Variants in INSL5 observed in about 807,000 individuals in gnomAD.
INSL5 encodes the protein insulin-like peptide INSL5.
INSL5 carries 3 observed loss-of-function variants against 4.3 expected under a neutral mutation model. The ratio of observed to expected loss-of-function variants is 0.70; its 90% confidence interval spans 0.32 to 1.82. The LOEUF is 1.82. Among genes scored for constraint, INSL5 ranks in the 40% most tolerant of loss-of-function variants. The pLI is 0.08. For synonymous variants in INSL5, 68 were observed against 56.6 expected (o/e 1.20, Z -0.90); for missense variants, 168 against 160.9 (o/e 1.04, Z -0.24).
chr1:66,800,308 C>T (rs1572563376), intron 1 of INSL5, among the ~76,000 whole-genome samples: 4 of 151,982 alleles, frequency 2.6e-5, no homozygotes, highest in Non-Finnish European at 5.9e-5. Flanking sequence ...TCCCCAAATC[C>T]TTCAGGGCCT....
chr1:66,799,918 A>C (rs1488709827), intron 1 of INSL5, among the ~76,000 whole-genome samples: 1 of 152,036 alleles, frequency 6.6e-6, no homozygotes. Context: ...ATGTGGTGGC[A>C]CACACCTGTA....
intron 1 of INSL5, among the ~76,000 whole-genome samples, chr1:66,798,699 T>C (rs1645357271): frequency 6.6e-6 from 1 of 152,262 alleles, no homozygotes; most frequent in Non-Finnish European, 1.5e-5. Flanking sequence ...AGTTTTTGCC[T>C]AAGTGTTGTT....
chr1:66,800,116 A>T (rs536233130), intron 1 of INSL5, among the ~76,000 whole-genome samples: 1 of 152,326 alleles, frequency 6.6e-6, no homozygotes, highest in East Asian at 1.9e-4. Flanking sequence ...TTTAATATGG[A>T]ATTAACAGAA....
intron 1 of INSL5, among the ~76,000 whole-genome samples, chr1:66,800,521 T>C (rs1371423071): frequency 1.3e-5 from 2 of 152,170 alleles, no homozygotes; most frequent in Non-Finnish European, 2.9e-5. Flanking sequence ...TTCTTCTTGG[T>C]AAAATGATAA....
At chr1:66,799,433 T>C (rs1251047558) in intron 1 of INSL5, among the ~76,000 whole-genome samples, 21 of 152,106 alleles carry the variant, frequency 1.4e-4, no homozygotes, top group Admixed American at 9.2e-4. Context: ...AGAACGATGG[T>C]TATCAGAGGG....
chr1:66,800,590 CACATGTA>C lies in INSL5; in HGVS notation c.175+450_175+456del, dbSNP rs1339369898. Among the ~76,000 whole-genome samples, 9 of 152,260 alleles carry C rather than the reference CACATGTA, an allele frequency of 5.9e-5. No homozygotes were observed. In the East Asian group the frequency reaches 1.7e-3, roughly 29 times the overall value. ...TATCAGAAAGCTGAATGAAATGTTG[CACATGTA>C]ACTTCCCAGCACTTAAAAGTGCTCA... On this transcript the variant is annotated intron_variant, in intron 1 of 1. Coordinates refer to ENST00000304526, the MANE Select transcript of INSL5 (RefSeq NM_005478.6).
At chr1:66,798,626 G>A (rs1240772554) in intron 1 of INSL5, among the ~76,000 whole-genome samples, 2 of 152,050 alleles carry the variant, frequency 1.3e-5, no homozygotes, top group Non-Finnish European at 2.9e-5. Flanking sequence ...CTGCAATCTC[G>A]ATCAGTAAAG....
chr1:66,801,213 G>T lies in INSL5; in HGVS notation c.9C>A (p.Gly3=). ...AGAATAAAAACAGAGTGAAAATGGAGCCCTTCATTTTGCTGAGGACTGAAT... is the reference window on the plus strand; with the variant it reads ...AGAATAAAAACAGAGTGAAAATGGATCCCTTCATTTTGCTGAGGACTGAAT... The part of the protein sequence containing the change: MK[G]SIFTLFLFSV... Residue 3 remains glycine (G), a synonymous_variant, in exon 1 of 2, where the codon GGC becomes GGA. Coordinates refer to ENST00000304526, the MANE Select transcript of INSL5 (RefSeq NM_005478.6). 1 of 1,612,190 alleles carries T rather than the reference G, an allele frequency of 6.2e-7. No individual in the cohort carries two copies. Among genetic ancestry groups the T allele is most frequent in the South Asian group, 1.1e-5 (1 of 90,916 alleles).
At position 66,797,910 on chromosome 1, in the gene INSL5, G is replaced by T; in HGVS notation, c.*103C>A. The T allele has an allele frequency of 1.2e-6, 1 of 830,712 alleles. No homozygotes were observed. The highest frequency in any genetic ancestry group is 1.9e-6 in the Non-Finnish European group (1 of 523,302). 51.5% of individuals were successfully genotyped at this position (830,712 alleles called of 1,614,324 possible). On this transcript the variant is annotated 3_prime_UTR_variant, in exon 2 of 2. Coordinates refer to ENST00000304526, the MANE Select transcript of INSL5 (RefSeq NM_005478.6). ...GAAAAGAAGTTTTGCCTACCCAAAAGCCATCATTTTAATAACACAATATTA... is the reference window on the plus strand; with the variant it reads ...GAAAAGAAGTTTTGCCTACCCAAAATCCATCATTTTAATAACACAATATTA...
At chr1:66,798,334 G>T in intron 1 of INSL5, 89 bp from the exon 2 acceptor site, 1 of 861,632 alleles carries the variant, frequency 1.2e-6, no homozygotes, top group Non-Finnish European at 1.9e-6. Flanking sequence ...AAATGAACTG[G>T]ATCCCTAAAA....
Position 66,798,027 on chromosome 1 carries a change from T to C in INSL5, c.394A>G (p.Ser132Gly). ...TTGCTCTTGTCTTAGCAAAGAGCACTCAAATCAGTCATGGAACAGCCATCA... is the reference window on the plus strand; with the variant it reads ...TTGCTCTTGTCTTAGCAAAGAGCACCCAAATCAGTCATGGAACAGCCATCA... Reference protein sequence around the residue: ...CTDGCSMTDLSALC With the variant: ...CTDGCSMTDLGALC The change falls in exon 2 of 2, where the codon AGT becomes GGT. Residue 132 changes from serine to glycine, a missense_variant. By Grantham distance (56) the Ser-to-Gly change is moderately conservative. Transcript: ENST00000304526. The C allele has an allele frequency of 6.2e-7, 1 of 1,613,270 alleles. No individual in the cohort carries two copies. Among genetic ancestry groups the C allele is most frequent in the Non-Finnish European group, 8.5e-7 (1 of 1,179,278 alleles).
chr1:66,800,798 G>C (rs903975862), intron 1 of INSL5, among the ~76,000 whole-genome samples: 4 of 152,142 alleles, frequency 2.6e-5, no homozygotes, highest in African/African-American at 9.7e-5. Flanking sequence ...CATTGAAGTA[G>C]TCATGCGATT....
rs762974871 is a variant in INSL5 at position 66,798,251 on chromosome 1, T to G, written c.176-6A>C. 5.6e-6 allele frequency: 9 copies of G among 1,605,878 alleles called. No homozygotes were observed. The South Asian group carries it at 9.9e-5, about 18-fold the overall frequency. ...GAAGGAGTTTCCTGTCTCAGCTGTA[T>G]GGAAGAGAAAAAAATAATACATCCT... is the stretch of plus-strand genomic sequence containing the variant. On this transcript the variant is annotated splice_polypyrimidine_tract_variant and splice_region_variant and intron_variant, in intron 1 of 1. Coordinates refer to ENST00000304526, the MANE Select transcript of INSL5 (RefSeq NM_005478.6).
Position 66,801,187 on chromosome 1 carries a change from G to A in INSL5, c.35C>T (p.Ser12Phe). Reference sequence around the variant, plus strand: ...CACTTCTGAGATGGCAAATAGGACAGAGAATAAAAACAGAGTGAAAATGGA... The same window carrying A: ...CACTTCTGAGATGGCAAATAGGACAAAGAATAAAAACAGAGTGAAAATGGA... ...KGSIFTLFLF[S>F]VLFAISEVRS... The change falls in exon 1 of 2, where the codon TCT becomes TTT. Residue 12 changes from serine to phenylalanine, a missense_variant. Coordinates refer to ENST00000304526, the MANE Select transcript of INSL5 (RefSeq NM_005478.6). The A allele has an allele frequency of 1.9e-6, 3 of 1,613,566 alleles. No homozygotes were observed. Among genetic ancestry groups the A allele is most frequent in the East Asian group, 2.2e-5 (1 of 44,870 alleles).
At position 66,798,147 on chromosome 1, in the gene INSL5, G is replaced by C; in HGVS notation, c.274C>G (p.Arg92Gly). 1 of 1,614,044 alleles carries C rather than the reference G, an allele frequency of 6.2e-7. No homozygotes were observed. The highest frequency in any genetic ancestry group is 8.5e-7 in the Non-Finnish European group (1 of 1,179,970). ...GTGGGCATCTGTCCACCCCAAAGAC[G>C]GTCTTCCCCTGAGGCATCCACCTTC... ...LPKVDASGED[R>G]LWGGQMPTEE... The change falls in exon 2 of 2, where the codon CGT becomes GGT. Residue 92 changes from arginine to glycine, a missense_variant. Transcript: ENST00000304526.
Position 66,801,065 on chromosome 1 carries a change from T to G in INSL5, c.157A>C (p.Ile53Leu). 6.2e-7 allele frequency: 1 copy of G among 1,611,884 alleles called. No individual in the cohort carries two copies. Among genetic ancestry groups the G allele is most frequent in the Non-Finnish European group, 8.5e-7 (1 of 1,178,612 alleles). ...CTGTTACCTTGCTGAGCTTGAGGGA[T>G]CCCCTCCTGATGCCTTCTCCACCTG... ...SSRWRRHQEG[I>L]PQAQQAETGN... The change falls in exon 1 of 2, where the codon ATC becomes CTC. Residue 53 changes from isoleucine (I) to leucine (L), a missense_variant. Physicochemically the swap from Ile to Leu is conservative, Grantham distance 5 (BLOSUM62 2). Coordinates refer to ENST00000304526, the MANE Select transcript of INSL5 (RefSeq NM_005478.6).
At position 66,801,067 on chromosome 1, in the gene INSL5, C is replaced by A. The variant is rs1486813172; in HGVS notation, c.155G>T (p.Gly52Val). Residue 52 changes from glycine (G) to valine (V), a missense_variant, in exon 1 of 2, where the codon GGG becomes GTG. By Grantham distance (109) the Gly-to-Val change is moderately radical. Transcript: ENST00000304526. ...GTTACCTTGCTGAGCTTGAGGGATC[C>A]CCTCCTGATGCCTTCTCCACCTGGA... The part of the protein sequence containing the change: ...ASSRWRRHQE[G>V]IPQAQQAETG... 1 of 1,611,862 alleles carries A rather than the reference C, an allele frequency of 6.2e-7. No homozygotes were observed. Among genetic ancestry groups the A allele is most frequent in the South Asian group, 1.1e-5 (1 of 90,736 alleles).
chr1:66,800,394 G>C (rs1309884627), intron 1 of INSL5, among the ~76,000 whole-genome samples: 3 of 152,010 alleles, frequency 2.0e-5, no homozygotes, highest in African/African-American at 7.2e-5. Context: ...GTGACATTTT[G>C]TAACATTCTC....
intron 1 of INSL5, among the ~76,000 whole-genome samples, chr1:66,800,823 AG>A (rs1459440533): frequency 6.6e-6 from 1 of 152,210 alleles, no homozygotes; most frequent in Non-Finnish European, 1.5e-5. Context: ...GATTTCAAGC[AG>A]GGGACTAAAA....
Sources: gnomAD v4.1 joint callset for allele counts (sites outside exome capture counted in the v4.1 genomes callset) on GRCh38, gnomAD v4.1.1 for gene constraint, MANE v1.5 for transcripts, NCBI Gene and HGNC (gene_info 2026-07-23, HGNC 2026-07-21) for gene names.